The following DELE1 variants were observed in gnomAD, a reference collection of about 807,000 sequenced individuals.
DELE1 encodes the protein death ligand signal enhancer.
DELE1 carries 54 observed loss-of-function variants against 59.3 expected under a neutral mutation model. The ratio of observed to expected loss-of-function variants is 0.91; its 90% CI spans 0.73 to 1.14. The LOEUF is 1.14. Ranked by LOEUF, DELE1 falls within the 50% of genes most tolerant of loss-of-function variation. DELE1 has a pLI of 0.00. For synonymous variants in DELE1, 264 were observed against 259.1 expected (o/e 1.02, Z -0.18); for missense variants, 636 against 643.9 (o/e 0.99, Z 0.13).
At chr5:141,937,063 G>A (rs1752417528) in intron 10 of DELE1, 135 bp from the exon 11 acceptor site, 1 of 1,517,870 alleles carries the variant, frequency 6.6e-7, no homozygotes, top group Non-Finnish European at 8.8e-7. Flanking sequence ...CTTGCTATGG[G>A]GCGGGCCAGG....
chr5:141,928,324 AGGGCT>A (rs756472554), intron 4 of DELE1, 26 bp downstream of exon 4: 6 of 1,604,080 alleles, frequency 3.7e-6, no homozygotes, highest in South Asian at 3.3e-5. Flanking sequence ...TGGGGACAGG[AGGGCT>A]GGGCTGGGCG....
At position 141,940,647 on chromosome 5, in the gene DELE1, C is replaced by T; in HGVS notation, c.*1888C>T. The T allele has an allele frequency of 1.0e-6, 1 of 986,006 alleles. No homozygotes were observed. The highest frequency in any genetic ancestry group is 1.2e-6 in the Non-Finnish European group (1 of 830,232). The allele number at this position is 986,006 out of a possible 1,614,324, so 61.1% of individuals were successfully genotyped here. ...TCCTCTAGCTCCATCTCCTCGCCTG[C>T]TCCCTGCCTCCTTTTCAGGGCTGCC... On this transcript the variant is annotated 3_prime_UTR_variant, in exon 12 of 12. Coordinates refer to ENST00000432126, the MANE Select transcript of DELE1 (RefSeq NM_014773.5).
Position 141,941,349 on chromosome 5 carries a change from T to C in DELE1, c.*2590T>C. 1 of 985,434 alleles carries C rather than the reference T, an allele frequency of 1.0e-6. No homozygotes were observed. The highest frequency in any genetic ancestry group is 1.2e-6 in the Non-Finnish European group (1 of 830,044). The allele number at this position is 985,434 out of a possible 1,614,324, so 61.0% of individuals were successfully genotyped here. A position where few individuals can be genotyped will look rare whatever the true frequency, so the allele number is the denominator to read the frequency against. On this transcript the variant is annotated 3_prime_UTR_variant, in exon 12 of 12. Transcript: ENST00000432126. ...GGTAGGATATTTTTAAGCTCTCCAA[T>C]TTAAAAAGGAAGGGCCTCTCCTGTG...
chr5:141,938,873 C>T lies in DELE1; in HGVS notation c.*114C>T. 3 of 1,490,782 alleles carry T rather than the reference C, an allele frequency of 2.0e-6. No individual in the cohort carries two copies. The highest frequency in any genetic ancestry group is 1.4e-5 in the South Asian group (1 of 73,642). 92.3% of individuals were successfully genotyped at this position (1,490,782 alleles called of 1,614,324 possible). A position where few individuals can be genotyped will look rare whatever the true frequency, so the allele number is the denominator to read the frequency against. ...CCAGGTAGAAATTCCAGCGGGAGTT[C>T]AGGTTCCCAAGCAATTTCACGTACA... On this transcript the variant is annotated 3_prime_UTR_variant, in exon 12 of 12. Transcript: ENST00000432126.
intron 1 of DELE1, among the ~76,000 whole-genome samples, chr5:141,924,287 G>A (rs939556102): frequency 9.9e-5 from 15 of 152,024 alleles, no homozygotes; most frequent in South Asian, 4.1e-4. Flanking sequence ...AGAGAGGAGA[G>A]GTTTAGAGTC....
chr5:141,926,097 C>G (rs921121333), intron 3 of DELE1, among the ~76,000 whole-genome samples: 1 of 152,074 alleles, frequency 6.6e-6, no homozygotes, highest in African/African-American at 2.4e-5. Flanking sequence ...CCAGGATGGT[C>G]TCGAACTCCT....
Position 141,930,083 on chromosome 5 carries a change from C to G in DELE1, c.657+9C>G, listed in dbSNP as rs74819654. 6.2e-7 allele frequency: 1 copy of G among 1,613,794 alleles called. No individual in the cohort carries two copies. The highest frequency in any genetic ancestry group is 8.5e-7 in the Non-Finnish European group (1 of 1,179,708). On this transcript the variant is annotated intron_variant, in intron 6 of 11. Coordinates refer to ENST00000432126, the MANE Select transcript of DELE1 (RefSeq NM_014773.5). ...AGCCCACTGGTGAAAAGGTATTATC[C>G]AGATTTGGCCACCTGGATCCCCATA...
rs980214366 is a variant in DELE1 at position 141,938,894 on chromosome 5, G to A, written c.*135G>A. The A allele has an allele frequency of 4.8e-6, 7 of 1,467,236 alleles. No homozygotes were observed. Among genetic ancestry groups the A allele is most frequent in the African/African-American group, 2.8e-5 (2 of 70,806 alleles). The allele number at this position is 1,467,236 out of a possible 1,614,324, so 90.9% of individuals were successfully genotyped here. On this transcript the variant is annotated 3_prime_UTR_variant, in exon 12 of 12. Coordinates refer to ENST00000432126, the MANE Select transcript of DELE1 (RefSeq NM_014773.5). ...AGTTCAGGTTCCCAAGCAATTTCAC[G>A]TACATGGCTGGTAAGTGACTGATCT...
At chr5:141,932,640 G>A (rs978173888) in intron 7 of DELE1, among the ~76,000 whole-genome samples, 3 of 152,138 alleles carry the variant, frequency 2.0e-5, no homozygotes, top group Non-Finnish European at 2.9e-5. Context: ...AAGAACCTCC[G>A]TGGTTAGGAA....
In DELE1 at chr5:141,940,665, G is replaced by A. The variant is rs1413814780; in HGVS notation, c.*1906G>A. ...TCGCCTGCTCCCTGCCTCCTTTTCA[G>A]GGCTGCCCTGCACACTGGCTCACCA... On this transcript the variant is annotated 3_prime_UTR_variant, in exon 12 of 12. Transcript: ENST00000432126. 2 of 985,330 alleles carry A rather than the reference G, an allele frequency of 2.0e-6. No homozygotes were observed. Among genetic ancestry groups the A allele is most frequent in the Non-Finnish European group, 2.4e-6 (2 of 829,832 alleles). The allele number at this position is 985,330 out of a possible 1,614,324, so 61.0% of individuals were successfully genotyped here. A position where few individuals can be genotyped will look rare whatever the true frequency, so the allele number is the denominator to read the frequency against.
At position 141,937,351 on chromosome 5, in the gene DELE1, G is replaced by A. The variant is rs1198499475; in HGVS notation, c.1303G>A (p.Ala435Thr). ...GCTGCGAGCCCTCTTTTCCATGGGG[G>A]CTGCAGGTACAGACCCAAGTCCAAG... ...ERLRALFSMG[A>T]AAPGPSDLTV... Residue 435 changes from alanine (A) to threonine (T), a missense_variant, in exon 11 of 12, where the codon GCT becomes ACT. Physicochemically the swap from Ala to Thr is moderately conservative, Grantham distance 58. Coordinates refer to ENST00000432126, the MANE Select transcript of DELE1 (RefSeq NM_014773.5). 27 of 1,613,778 alleles carry A rather than the reference G, an allele frequency of 1.7e-5. No individual in the cohort carries two copies. Among genetic ancestry groups the A allele is most frequent in the Non-Finnish European group, 2.3e-5 (27 of 1,179,974 alleles).
At chr5:141,929,806 A>C in intron 5 of DELE1, 66 bp downstream of exon 5, 1 of 1,590,672 alleles carries the variant, frequency 6.3e-7, no homozygotes, top group South Asian at 1.1e-5. Flanking sequence ...GGCAAGATGG[A>C]CGTTGTTTGC....
At chr5:141,937,426 A>C (rs1752450976) in intron 11 of DELE1, 69 bp downstream of exon 11, 4 of 1,548,770 alleles carry the variant, frequency 2.6e-6, no homozygotes, top group Non-Finnish European at 3.5e-6. Flanking sequence ...ATAAGTAGGT[A>C]GCAGTAGTCT....
rs1193952162 is a variant in DELE1 at position 141,925,425 on chromosome 5, C to T, written c.162C>T (p.Gly54=). Residue 54 remains glycine, a synonymous_variant, in exon 3 of 12, where the codon GGC becomes GGT. Coordinates refer to ENST00000432126, the MANE Select transcript of DELE1 (RefSeq NM_014773.5). ...CATCATCTAGGTCAGGTCCCCATGG[C>T]CCAGGCACGAGCGGGGGTCCAAGGT... ...VPNLDRSGPH[G]PGTSGGPRSH... 2 of 1,592,410 alleles carry T rather than the reference C, an allele frequency of 1.3e-6. No homozygotes were observed. The highest frequency in any genetic ancestry group is 1.7e-6 in the Non-Finnish European group (2 of 1,169,924).
At chr5:141,929,883 C>A in intron 5 of DELE1, 106 bp from the exon 6 acceptor site, 2 of 1,509,510 alleles carry the variant, frequency 1.3e-6, no homozygotes, top group Non-Finnish European at 1.8e-6. Flanking sequence ...TATTTCGGTT[C>A]CTGGCAAGGG....
Position 141,923,977 on chromosome 5 carries a change from G to A in DELE1, c.31+5G>A. On this transcript the variant is annotated splice_donor_5th_base_variant and intron_variant, in intron 1 of 11. Transcript: ENST00000432126. ...TCCCGGGACTCCTGGGCCGAGGTAA[G>A]GGACGTCCAAGCAACCAGCGTCACT... 6.2e-7 allele frequency: 1 copy of A among 1,609,672 alleles called. No homozygotes were observed. The highest frequency in any genetic ancestry group is 8.5e-7 in the Non-Finnish European group (1 of 1,178,214).
chr5:141,924,094 TTGAA>T, intron 1 of DELE1, 122 bp downstream of exon 1: 1 of 1,307,836 alleles, frequency 7.6e-7, no homozygotes, highest in Non-Finnish European at 1.1e-6. Context: ...AAGGCGGGGC[TTGAA>T]AGAGGGCGGG....
At chr5:141,925,225 G>A (rs1751298939) in intron 2 of DELE1, among the ~76,000 whole-genome samples, 185 bp from the exon 3 acceptor site, 1 of 152,068 alleles carries the variant, frequency 6.6e-6, no homozygotes, top group Non-Finnish European at 1.5e-5. Context: ...ACTGTACCCA[G>A]CCAATTTTTA....
In DELE1 at chr5:141,928,411, A is replaced by G. The variant is rs1231077363; in HGVS notation, c.412+113A>G. ...CCATCAGCAGCTCCTTGCCTTTCCT[A>G]TCTGAAGTCAGAGGAAGAGGAATGT... is the stretch of plus-strand genomic sequence containing the variant. On this transcript the variant is annotated intron_variant, in intron 4 of 11. Transcript: ENST00000432126. 2.3e-6 allele frequency: 3 copies of G among 1,278,380 alleles called. 1 individual carries two copies. 79.2% of individuals were successfully genotyped at this position (1,278,380 alleles called of 1,614,324 possible).
Sources: gnomAD v4.1 joint callset for allele counts (sites outside exome capture counted in the v4.1 genomes callset) on GRCh38, gnomAD v4.1.1 for gene constraint, MANE v1.5 for transcripts, NCBI Gene and HGNC (gene_info 2026-07-23, HGNC 2026-07-21) for gene names.